The following STK39 variants were observed in gnomAD, a reference collection of about 807,000 sequenced individuals.
STK39 encodes the protein STE20/SPS1-related proline-alanine-rich protein kinase.
Under a neutral mutation model 77.8 loss-of-function variants are expected in STK39, and 20 were observed. The ratio of observed to expected loss-of-function variants is 0.26; its 90% confidence interval spans 0.18 to 0.37. The LOEUF is 0.37. Ranked by LOEUF, STK39 falls within the 10% of genes least tolerant of loss-of-function variation. The probability of loss-of-function intolerance (pLI) is 1.00; values close to 1 mark genes in which losing one functional copy is unlikely to be tolerated. For missense variants in STK39, 479 were observed against 656.5 expected (o/e 0.73, Z 2.95); for synonymous variants, 246 against 234.1 (o/e 1.05, Z -0.47).
chr2:168,164,507 A>C (rs185046645), intron 3 of STK39, among the ~76,000 whole-genome samples: 2 of 152,268 alleles, frequency 1.3e-5, no homozygotes, highest in Non-Finnish European at 2.9e-5. Context: ...CCCAGGCTCA[A>C]GCGATCCTCC....
At chr2:168,076,325 C>T (rs767964451) in intron 10 of STK39, among the ~76,000 whole-genome samples, 1 of 152,100 alleles carries the variant, frequency 6.6e-6, no homozygotes, top group Non-Finnish European at 1.5e-5. Context: ...TGCCACTGAA[C>T]GATAACCACC....
At chr2:168,129,411 T>C in intron 10 of STK39, 130 bp downstream of exon 10, 14 of 969,936 alleles carry the variant, frequency 1.4e-5, no homozygotes, top group Non-Finnish European at 2.2e-5. Flanking sequence ...GTTATCTGAG[T>C]AATCACTAAT....
At chr2:167,974,759 T>C (rs1683229056) in intron 16 of STK39, among the ~76,000 whole-genome samples, 2 of 152,168 alleles carry the variant, frequency 1.3e-5, no homozygotes, top group Non-Finnish European at 1.5e-5. Flanking sequence ...ATAGTGTCTT[T>C]TAGGAGGTTC....
intron 5 of STK39, among the ~76,000 whole-genome samples, chr2:168,160,048 G>A (rs1688530397): frequency 6.6e-6 from 1 of 152,146 alleles, no homozygotes; most frequent in Non-Finnish European, 1.5e-5. Flanking sequence ...GATTCTTACT[G>A]GGAAAAAGAA....
At position 168,203,986 on chromosome 2, in the gene STK39, A is replaced by G. The variant is rs563359038; in HGVS notation, c.209-21896T>C. ...GAAACATGGGAAAAGAAAGGGGGAA[A>G]AACACAGAGGCTCCTCTATCTTAAG... On this transcript the variant is annotated intron_variant, in intron 1 of 17. Coordinates refer to ENST00000355999, the MANE Select transcript of STK39 (RefSeq NM_013233.3). Among the ~76,000 whole-genome samples the G allele has an allele frequency of 1.0e-3, 159 of 152,368 alleles. 1 individual carries two copies. Among genetic ancestry groups the G allele is most frequent in the Middle Eastern group, 0.01 (3 of 294 alleles).
chr2:168,148,817 A>C (rs2105551782), intron 5 of STK39, among the ~76,000 whole-genome samples: 1 of 152,320 alleles, frequency 6.6e-6, no homozygotes, highest in African/African-American at 2.4e-5. Context: ...GAAAGAAGAC[A>C]GGCTGCAAGG....
intron 10 of STK39, among the ~76,000 whole-genome samples, chr2:168,111,684 A>T (rs531511940): frequency 6.6e-6 from 1 of 152,220 alleles, no homozygotes; most frequent in Admixed American, 6.5e-5. Flanking sequence ...ATTCATTACA[A>T]ATACAGCAAT....
chr2:167,985,586 A>C (rs1213954790), intron 16 of STK39, among the ~76,000 whole-genome samples: 1 of 152,198 alleles, frequency 6.6e-6, no homozygotes, highest in Non-Finnish European at 1.5e-5. Context: ...CACTGGCTAC[A>C]GCTTCACTAC....
intron 10 of STK39, among the ~76,000 whole-genome samples, chr2:168,097,750 A>T (rs1333827899): frequency 6.6e-6 from 1 of 152,198 alleles, no homozygotes; most frequent in African/African-American, 2.4e-5. Flanking sequence ...AAAAAAAAAA[A>T]AAAGAAGACG....
intron 1 of STK39, among the ~76,000 whole-genome samples, chr2:168,201,635 C>A (rs1259947379): frequency 6.6e-6 from 1 of 152,126 alleles, no homozygotes. Flanking sequence ...AGAAGGAATG[C>A]GGCCATTTTT....
Position 168,066,730 on chromosome 2 carries a change from G to A in STK39, c.1243-1349C>T, listed in dbSNP as rs184208570. On this transcript the variant is annotated intron_variant, in intron 12 of 17. Transcript: ENST00000355999. Reference sequence around the variant, plus strand: ...AAGATGGAGGGCTAATCAACTAGGCGGGGGGCTGGAACCCCACACACACCC... The same window carrying A: ...AAGATGGAGGGCTAATCAACTAGGCAGGGGGCTGGAACCCCACACACACCC... Among the ~76,000 whole-genome samples the A allele has an allele frequency of 3.9e-5, 6 of 152,250 alleles. No individual in the cohort carries two copies. The East Asian group carries it at 7.7e-4, about 20-fold the overall frequency.
intron 1 of STK39, among the ~76,000 whole-genome samples, chr2:168,220,787 T>C (rs570154092): frequency 1.3e-5 from 2 of 152,300 alleles, no homozygotes; most frequent in Admixed American, 1.3e-4. Context: ...CAATTGAACA[T>C]GTGTCCGACT....
chr2:168,016,400 A>C (rs1015878939), intron 15 of STK39, among the ~76,000 whole-genome samples: 1 of 150,714 alleles, frequency 6.6e-6, no homozygotes, highest in South Asian at 2.1e-4. Context: ...AAAAAAAAAA[A>C]AAAAAAAAAA....
At chr2:168,098,714 A>T (rs1686739231) in intron 10 of STK39, among the ~76,000 whole-genome samples, 1 of 152,106 alleles carries the variant, frequency 6.6e-6, no homozygotes, top group Admixed American at 6.5e-5. Flanking sequence ...CCTCTTCCTA[A>T]CATTGCCTTT....
intron 12 of STK39, among the ~76,000 whole-genome samples, chr2:168,070,176 C>A (rs950155412): frequency 6.6e-6 from 1 of 152,154 alleles, no homozygotes; most frequent in Non-Finnish European, 1.5e-5. Context: ...AATACCACCC[C>A]TTCCCCGACC....
chr2:167,967,273 T>C (rs1274979388), intron 16 of STK39, among the ~76,000 whole-genome samples: 1 of 152,186 alleles, frequency 6.6e-6, no homozygotes, highest in Non-Finnish European at 1.5e-5. Context: ...TTCTTTGAAC[T>C]AGTCCCTCCC....
At position 168,213,689 on chromosome 2, in the gene STK39, TAA is replaced by T. The variant is rs10706908; in HGVS notation, c.209-31601_209-31600del. On this transcript the variant is annotated intron_variant, in intron 1 of 17. Transcript: ENST00000355999. ...CTGGGTGACAAAAGCCAGCCATATT[TAA>T]AAAAAAAAAAAAAAAAAAGTGTAAG... is the stretch of plus-strand genomic sequence containing the variant. Among the ~76,000 whole-genome samples, 728 of 124,190 alleles carry T rather than the reference TAA, an allele frequency of 5.9e-3. 6 individuals carry two copies. Among genetic ancestry groups the T allele is most frequent in the African/African-American group, 0.018 (606 of 33,916 alleles). The allele number at this position is 124,190 out of a possible 152,430, so 81.5% of individuals were successfully genotyped here.
chr2:168,100,876 T>C (rs1166138167), intron 10 of STK39, among the ~76,000 whole-genome samples: 2 of 152,202 alleles, frequency 1.3e-5, no homozygotes, highest in African/African-American at 4.8e-5. Flanking sequence ...CAAAGGATTA[T>C]AAATCATACT....
intron 2 of STK39, among the ~76,000 whole-genome samples, chr2:168,178,992 G>A (rs929199430): frequency 6.6e-5 from 10 of 152,178 alleles, no homozygotes; most frequent in Non-Finnish European, 1.3e-4. Flanking sequence ...CTGGGAGTCG[G>A]GGTCAGGAGG....
Sources: gnomAD v4.1 joint callset for allele counts (sites outside exome capture counted in the v4.1 genomes callset) on GRCh38, gnomAD v4.1.1 for gene constraint, MANE v1.5 for transcripts, NCBI Gene and HGNC (gene_info 2026-07-23, HGNC 2026-07-21) for gene names.